The following MACROD2 variants were observed in gnomAD, a reference collection of about 807,000 sequenced individuals.
MACROD2 encodes ADP-ribose glycohydrolase MACROD2.
MACROD2 carries 36 observed loss-of-function variants against 70.4 expected under a neutral mutation model. The observed-to-expected ratio is 0.51, with a 90% confidence interval of 0.39 to 0.68. MACROD2 has a LOEUF of 0.68. MACROD2 is among the 30% of genes least tolerant of loss of function. The probability of loss-of-function intolerance (pLI) is 0.00; values close to 1 mark genes in which losing one functional copy is unlikely to be tolerated. For synonymous variants in MACROD2, 172 were observed against 178.8 expected (o/e 0.96, Z 0.30); for missense variants, 496 against 538.4 (o/e 0.92, Z 0.78).
chr20:15,461,195 A>G (rs1041598624), intron 7 of MACROD2, among the ~76,000 whole-genome samples: 2 of 151,000 alleles, frequency 1.3e-5, no homozygotes, highest in South Asian at 2.1e-4. Context: ...TTTTGGTAAG[A>G]TTTCATGTTA....
At chr20:15,735,436 T>C (rs1463139597) in intron 8 of MACROD2, among the ~76,000 whole-genome samples, 1 of 152,180 alleles carries the variant, frequency 6.6e-6, no homozygotes, top group Non-Finnish European at 1.5e-5. Context: ...TTATTAGCAG[T>C]GTTTCTGGGA....
At chr20:15,442,964 A>G (rs894794265) in intron 7 of MACROD2, among the ~76,000 whole-genome samples, 1 of 152,154 alleles carries the variant, frequency 6.6e-6, no homozygotes, top group South Asian at 2.1e-4. Flanking sequence ...GTCAGACACT[A>G]TATTTAGATA....
intron 8 of MACROD2, among the ~76,000 whole-genome samples, chr20:15,581,214 A>G (rs192866178): frequency 5.8e-4 from 88 of 152,290 alleles, no homozygotes; most frequent in Admixed American, 2.0e-3. Context: ...ATATTATAAG[A>G]TACTGGTTTC....
intron 5 of MACROD2, among the ~76,000 whole-genome samples, chr20:15,084,832 A>C (rs2075734656): frequency 6.6e-6 from 1 of 152,180 alleles, no homozygotes; most frequent in Admixed American, 6.5e-5. Flanking sequence ...CTGCATTAAA[A>C]CATATATGTC....
chr20:15,131,144 T>C (rs1485117682), intron 5 of MACROD2, among the ~76,000 whole-genome samples: 1 of 152,034 alleles, frequency 6.6e-6, no homozygotes, highest in Non-Finnish European at 1.5e-5. Context: ...ATCATGCACA[T>C]AGAGGTTCTA....
At chr20:15,130,246 C>T (rs1370658615) in intron 5 of MACROD2, among the ~76,000 whole-genome samples, 4 of 151,938 alleles carry the variant, frequency 2.6e-5, no homozygotes, top group Non-Finnish European at 4.4e-5. Flanking sequence ...ACTGACCATT[C>T]ACCATTCATC....
intron 8 of MACROD2, among the ~76,000 whole-genome samples, chr20:15,502,474 C>T (rs1443575352): frequency 6.6e-6 from 1 of 152,104 alleles, no homozygotes; most frequent in African/African-American, 2.4e-5. Flanking sequence ...GAATTTTATT[C>T]TAGTGGGTAG....
chr20:15,423,454 C>T (rs973511861), intron 6 of MACROD2, among the ~76,000 whole-genome samples: 1 of 152,142 alleles, frequency 6.6e-6, no homozygotes, highest in African/African-American at 2.4e-5. Flanking sequence ...TCTTAGTCAG[C>T]TCAGGCTGCT....
At chr20:15,384,991 C>T (rs2045693915) in intron 6 of MACROD2, among the ~76,000 whole-genome samples, 1 of 152,170 alleles carries the variant, frequency 6.6e-6, no homozygotes, top group Non-Finnish European at 1.5e-5. Flanking sequence ...AATTATCAAA[C>T]TGCTAAACCA....
At chr20:14,412,788 C>G (rs76935327) in intron 3 of MACROD2, among the ~76,000 whole-genome samples, 2 of 152,280 alleles carry the variant, frequency 1.3e-5, no homozygotes, top group East Asian at 3.9e-4. Context: ...CATCAAACCT[C>G]TAAGTCTGTG....
At chr20:15,226,660 T>C (rs1012852747) in intron 5 of MACROD2, among the ~76,000 whole-genome samples, 10 of 152,200 alleles carry the variant, frequency 6.6e-5, no homozygotes, top group Admixed American at 1.3e-4. Flanking sequence ...AGAATTCTTA[T>C]AGTCAAAAGC....
intron 10 of MACROD2, among the ~76,000 whole-genome samples, chr20:15,931,981 A>C (rs2065586181): frequency 6.6e-6 from 1 of 152,044 alleles, no homozygotes; most frequent in Non-Finnish European, 1.5e-5. Context: ...AGTTGGTAGG[A>C]GGAGGAGATG....
At chr20:15,581,721 G>A (rs1421329514) in intron 8 of MACROD2, among the ~76,000 whole-genome samples, 2 of 152,212 alleles carry the variant, frequency 1.3e-5, no homozygotes, top group Non-Finnish European at 1.5e-5. Flanking sequence ...GGAGGGGCCT[G>A]TGGAGCTGAG....
At chr20:14,049,190 C>CAAA (rs1182272964) in intron 2 of MACROD2, among the ~76,000 whole-genome samples, 21 of 134,836 alleles carry the variant, frequency 1.6e-4, no homozygotes, top group Admixed American at 1.1e-3. Flanking sequence ...AAAAAAAAAA[C>CAAA]AAAAAAACAA....
At chr20:15,320,968 A>G (rs563108359) in intron 6 of MACROD2, among the ~76,000 whole-genome samples, 3 of 152,116 alleles carry the variant, frequency 2.0e-5, no homozygotes, top group Non-Finnish European at 2.9e-5. Flanking sequence ...GAAAAAAACA[A>G]CTCTTGAGGT....
chr20:14,696,599 G>GC (rs2071128983), intron 5 of MACROD2, among the ~76,000 whole-genome samples: 1 of 151,972 alleles, frequency 6.6e-6, no homozygotes, highest in African/African-American at 2.4e-5. Context: ...ATTTCCTAAG[G>GC]CCTTCTGGAG....
At chr20:14,625,344 AAAAG>A (rs1301207107) in intron 4 of MACROD2, among the ~76,000 whole-genome samples, 1 of 152,072 alleles carries the variant, frequency 6.6e-6, no homozygotes, top group East Asian at 1.9e-4. Context: ...AAGAAGAAAA[AAAAG>A]AAAGATTAGG....
At chr20:14,107,684 A>G (rs1429958322) in intron 3 of MACROD2, among the ~76,000 whole-genome samples, 1 of 112,860 alleles carries the variant, frequency 8.9e-6, no homozygotes, top group East Asian at 2.6e-4. Flanking sequence ...TACATCTGGC[A>G]GCACCTCTTT....
intron 7 of MACROD2, among the ~76,000 whole-genome samples, chr20:15,485,404 C>A (rs1316652958): frequency 6.6e-6 from 1 of 152,124 alleles, no homozygotes; most frequent in Non-Finnish European, 1.5e-5. Flanking sequence ...ACATCCTGAA[C>A]TTCTTTTCCT....
Sources: gnomAD v4.1 joint callset for allele counts (sites outside exome capture counted in the v4.1 genomes callset) on GRCh38, gnomAD v4.1.1 for gene constraint, MANE v1.5 for transcripts, NCBI Gene and HGNC (gene_info 2026-07-23, HGNC 2026-07-21) for gene names.